The following WWOX variants were observed in gnomAD, a reference collection of about 807,000 sequenced individuals.
WWOX encodes the protein WW domain containing oxidoreductase.
In WWOX, 69 loss-of-function variants were observed where a neutral mutation model predicts 46.2. The ratio of observed to expected loss-of-function variants is 1.49; its 90% CI spans 1.23 to 1.82. WWOX has a LOEUF of 1.82. Ranked by LOEUF, WWOX falls within the 40% of genes most tolerant of loss-of-function variation. WWOX has a pLI of 0.00. For missense variants in WWOX, 919 were observed against 542.6 expected, an observed-to-expected ratio of 1.69 and a Z score of -6.89; for synonymous variants, 359 against 202.6, an observed-to-expected ratio of 1.77 and a Z score of -6.56.
chr16:79,037,591 C>T (rs2656633), intron 8 of WWOX, among the ~76,000 whole-genome samples: 19,160 of 152,130 alleles, frequency 0.13, 1,328 homozygotes, highest in African/African-American at 0.18. Context: ...TACAACTGCA[C>T]CCTGCTACCT....
chr16:78,191,126 A>G (rs929312686), intron 5 of WWOX, among the ~76,000 whole-genome samples: 1 of 152,166 alleles, frequency 6.6e-6, no homozygotes, highest in Non-Finnish European at 1.5e-5. Context: ...CCGCTGGACC[A>G]CTGGATCCAG....
intron 8 of WWOX, among the ~76,000 whole-genome samples, chr16:78,664,661 A>G (rs996097913): frequency 6.6e-6 from 1 of 152,194 alleles, no homozygotes; most frequent in Non-Finnish European, 1.5e-5. Flanking sequence ...CAGTGTGTCT[A>G]GGAAGACCAA....
At chr16:78,412,660 C>G (rs1003701717) in intron 6 of WWOX, among the ~76,000 whole-genome samples, 1 of 152,136 alleles carries the variant, frequency 6.6e-6, no homozygotes, top group Non-Finnish European at 1.5e-5. Context: ...GGAGCAGGAT[C>G]CTCTGCAACA....
chr16:78,498,825 C>A (rs761102495), intron 8 of WWOX, among the ~76,000 whole-genome samples: 55 of 152,014 alleles, frequency 3.6e-4, no homozygotes, highest in Non-Finnish European at 7.1e-4. Flanking sequence ...CTTGGCCTCC[C>A]AAAATGCTAG....
chr16:78,621,624 A>C (rs1453392079), intron 8 of WWOX, among the ~76,000 whole-genome samples: 1 of 11,224 alleles, frequency 8.9e-5, no homozygotes, highest in African/African-American at 4.0e-4. Context: ...TTTTTTTTTG[A>C]GACAGAGTCT....
chr16:78,162,730 T>C (rs2034837383), intron 4 of WWOX, among the ~76,000 whole-genome samples: 1 of 152,144 alleles, frequency 6.6e-6, no homozygotes, highest in African/African-American at 2.4e-5. Flanking sequence ...AGATTACATG[T>C]ATGTGTAAGA....
At chr16:79,042,242 C>T (rs140767237) in intron 8 of WWOX, among the ~76,000 whole-genome samples, 17 of 152,308 alleles carry the variant, frequency 1.1e-4, no homozygotes, top group African/African-American at 4.1e-4. Context: ...CGCTCTCTTA[C>T]ACCCTCCCAA....
At position 79,187,358 on chromosome 16, in the gene WWOX, C is replaced by T. The variant is rs557093039; in HGVS notation, c.1057-24250C>T. 7.2e-5 allele frequency among the ~76,000 whole-genome samples: 11 copies of T among 152,264 alleles called. No individual in the cohort carries two copies. The South Asian group carries it at 1.5e-3, about 20-fold the overall frequency. The stretch of plus-strand genomic sequence containing the variant: ...AGCATTGATCAAATACCTCCTATGC[C>T]CCTACGAACCAGGTACTAGAAATCC... On this transcript the variant is annotated intron_variant, in intron 8 of 8. Transcript: ENST00000566780.
chr16:78,741,995 C>G (rs935718901), intron 8 of WWOX, among the ~76,000 whole-genome samples: 3 of 152,198 alleles, frequency 2.0e-5, no homozygotes, highest in African/African-American at 7.2e-5. Flanking sequence ...TTACCTGCCT[C>G]CTATCCTCTC....
chr16:78,575,047 ATATATAT>A (rs2044833093), intron 8 of WWOX, among the ~76,000 whole-genome samples: 1 of 8,726 alleles, frequency 1.1e-4, no homozygotes, highest in Non-Finnish European at 2.2e-4. Flanking sequence ...ATATATATAT[ATATATAT>A]ATATATATAT....
At chr16:78,586,460 T>G (rs2045211558) in intron 8 of WWOX, among the ~76,000 whole-genome samples, 1 of 152,178 alleles carries the variant, frequency 6.6e-6, no homozygotes, top group South Asian at 2.1e-4. Context: ...ATTCTATTTG[T>G]CATCCTCTGT....
chr16:78,728,047 C>CTT (rs1567519434), intron 8 of WWOX, among the ~76,000 whole-genome samples: 1 of 94,728 alleles, frequency 1.1e-5, no homozygotes, highest in Non-Finnish European at 2.1e-5. Flanking sequence ...TTCCTCTCTC[C>CTT]CTCCTTCCTT....
intron 5 of WWOX, among the ~76,000 whole-genome samples, chr16:78,210,558 G>T (rs1393536468): frequency 6.6e-6 from 1 of 151,912 alleles, no homozygotes; most frequent in Non-Finnish European, 1.5e-5. Context: ...CTCTCATAAG[G>T]AACTAAATCC....
intron 8 of WWOX, among the ~76,000 whole-genome samples, chr16:78,456,475 T>C (rs1217664232): frequency 6.6e-6 from 1 of 152,232 alleles, no homozygotes; most frequent in Non-Finnish European, 1.5e-5. Flanking sequence ...CAAAATACTT[T>C]GTCTCTTTTT....
intron 8 of WWOX, among the ~76,000 whole-genome samples, chr16:78,645,826 G>A (rs1044428389): frequency 6.6e-6 from 1 of 152,142 alleles, no homozygotes; most frequent in Non-Finnish European, 1.5e-5. Flanking sequence ...CAAAATCAAG[G>A]TGTTGGCAGG....
chr16:78,989,817 T>TGA (rs1239431643), intron 8 of WWOX, among the ~76,000 whole-genome samples: 2 of 124,942 alleles, frequency 1.6e-5, no homozygotes, highest in Non-Finnish European at 3.4e-5. Flanking sequence ...AGGTGGTGTG[T>TGA]GAGCGTGTGT....
chr16:79,171,943 A>G (rs961107983), intron 8 of WWOX, among the ~76,000 whole-genome samples: 3 of 152,208 alleles, frequency 2.0e-5, no homozygotes, highest in African/African-American at 7.2e-5. Flanking sequence ...GCATTTCGAT[A>G]TACGCATAAG....
At chr16:78,384,035 T>C (rs765750726) in intron 5 of WWOX, among the ~76,000 whole-genome samples, 5 of 152,192 alleles carry the variant, frequency 3.3e-5, no homozygotes, top group Admixed American at 1.3e-4. Context: ...ACTGGGCTAG[T>C]TGGCTGTGCT....
chr16:79,073,919 T>A (rs2048599718), intron 8 of WWOX, among the ~76,000 whole-genome samples: 1 of 152,190 alleles, frequency 6.6e-6, no homozygotes. Context: ...TTAATTTCCT[T>A]TTTCTAGCAA....
Sources: gnomAD v4.1 joint callset for allele counts (sites outside exome capture counted in the v4.1 genomes callset) on GRCh38, gnomAD v4.1.1 for gene constraint, MANE v1.5 for transcripts, NCBI Gene and HGNC (gene_info 2026-07-23, HGNC 2026-07-21) for gene names.